DNAAF1: variants seen among roughly 807,000 people sequenced by gnomAD.
DNAAF1 encodes the protein dynein axonemal assembly factor 1, also known as dynein assembly factor 1, axonemal.
DNAAF1 carries 65 observed loss-of-function variants against 71.1 expected under a neutral mutation model. The ratio of observed to expected loss-of-function variants is 0.91; its 90% CI spans 0.75 to 1.12. The LOEUF (loss-of-function observed/expected upper bound fraction) is 1.12, where lower values mean the gene tolerates loss of function less well. Ranked by LOEUF, DNAAF1 falls within the 50% of genes most tolerant of loss-of-function variation. DNAAF1 has a pLI of 0.00. For synonymous variants in DNAAF1, 414 were observed against 354.6 expected, an observed-to-expected ratio of 1.17 and a Z score of -1.88; for missense variants, 1,178 against 899.8, an observed-to-expected ratio of 1.31 and a Z score of -3.96.
At chr16:84,173,168 G>A (rs2088456649) in intron 9 of DNAAF1, 1 of 985,688 alleles carries the variant, frequency 1.0e-6, no homozygotes, top group Non-Finnish European at 1.2e-6. Flanking sequence ...GGCCCAGTAG[G>A]AGTTAAAGTG....
intron 3 of DNAAF1, among the ~76,000 whole-genome samples, chr16:84,150,814 A>T (rs1262910083): frequency 2.0e-5 from 3 of 152,018 alleles, no homozygotes; most frequent in Non-Finnish European, 4.4e-5. Context: ...GGGTTTCGCC[A>T]TGTTGGCCAT....
At chr16:84,169,129 G>C (rs56878066) in intron 7 of DNAAF1, among the ~76,000 whole-genome samples, 10 of 120,646 alleles carry the variant, frequency 8.3e-5, no homozygotes, top group Admixed American at 7.9e-4. Context: ...TCATCACCCA[G>C]ACTACAATGC....
rs551009518 is a variant in DNAAF1 at position 84,177,820 on chromosome 16, C to G, written c.2157C>G (p.Phe719Leu). Residue 719 changes from phenylalanine to leucine, a missense_variant, in exon 12 of 12, where the codon TTC becomes TTG. Physicochemically the swap from Phe to Leu is conservative, Grantham distance 22 (BLOSUM62 0). Coordinates refer to ENST00000378553, the MANE Select transcript of DNAAF1 (RefSeq NM_178452.6). Reference sequence around the variant, plus strand: ...TGCCCACGTGGGACCTCACTGCATTCCCAGCACCGAAAGCATCATAGTTTT... The same window carrying G: ...TGCCCACGTGGGACCTCACTGCATTGCCAGCACCGAAAGCATCATAGTTTT... ...QALPTWDLTA[F>L]PAPKAS 4.0e-5 allele frequency: 64 copies of G among 1,613,848 alleles called. No individual in the cohort carries two copies. In the South Asian group the frequency reaches 6.9e-4, roughly 17 times the overall value.
intron 7 of DNAAF1, 73 bp downstream of exon 7, chr16:84,166,022 T>G (rs1256961354): frequency 1.3e-6 from 2 of 1,525,372 alleles, no homozygotes; most frequent in Non-Finnish European, 1.8e-6. Context: ...TCAAACCCAG[T>G]CTTTAATCTT....
rs747259254 is a variant in DNAAF1, at chr16:84,177,740, A to C, written c.2077A>C (p.Ser693Arg). Residue 693 changes from serine (S) to arginine (R), a missense_variant, in exon 12 of 12, where the codon AGC becomes CGC. By Grantham distance (110) the Ser-to-Arg change is moderately radical. Coordinates refer to ENST00000378553, the MANE Select transcript of DNAAF1 (RefSeq NM_178452.6). The part of the protein sequence containing the change: ...LAASSPVPTE[S>R]AATPPETCVG... ...CCTTCCTTCCACAGTGCCGACTGAG[A>C]GCGCCGCCACACCCCCAGAGACGTG... 5 of 1,613,720 alleles carry C rather than the reference A, an allele frequency of 3.1e-6. No individual in the cohort carries two copies. The highest frequency in any genetic ancestry group is 3.4e-6 in the Non-Finnish European group (4 of 1,179,922).
rs1435029226 is a variant in DNAAF1, at chr16:84,170,200, G to C, written c.1372G>C (p.Glu458Gln). ...PPPPPVEVKG[E>Q]DGDQEPEGTL... Reference sequence around the variant, plus strand: ...CCCGCCACCTGTGGAGGTTAAAGGAGAGGATGGAGATCAAGAGCCAGAGGG... The same window carrying C: ...CCCGCCACCTGTGGAGGTTAAAGGACAGGATGGAGATCAAGAGCCAGAGGG... Residue 458 changes from glutamate (E) to glutamine (Q), a missense_variant, in exon 8 of 12, where the codon GAG becomes CAG. Physicochemically the swap from Glu to Gln is conservative, Grantham distance 29 (BLOSUM62 2). Transcript: ENST00000378553. 1.2e-6 allele frequency: 2 copies of C among 1,612,020 alleles called. No individual in the cohort carries two copies. The highest frequency in any genetic ancestry group is 1.7e-6 in the Non-Finnish European group (2 of 1,178,728).
chr16:84,168,681 C>G (rs968286919), intron 7 of DNAAF1, among the ~76,000 whole-genome samples: 3 of 152,124 alleles, frequency 2.0e-5, no homozygotes, highest in Admixed American at 1.3e-4. Flanking sequence ...CATTTTCTTA[C>G]TGCATATATT....
intron 5 of DNAAF1, among the ~76,000 whole-genome samples, chr16:84,156,080 A>C (rs1314232480): frequency 6.6e-6 from 1 of 152,100 alleles, no homozygotes; most frequent in Non-Finnish European, 1.5e-5. Context: ...CTCCTGCCTC[A>C]GCATCCCGAG....
rs542456245 is a variant in DNAAF1, at chr16:84,157,794, G to C, written c.742-1881G>C. 3.1e-4 allele frequency among the ~76,000 whole-genome samples: 47 copies of C among 152,286 alleles called. 1 individual carries two copies. The South Asian group carries it at 9.3e-3, about 30-fold the overall frequency. ...TGTAGTGTGTACTATCAAAAGACTA[G>C]TTTAGAACTGCAGCACACGGTGAGA... is the stretch of plus-strand genomic sequence containing the variant. On this transcript the variant is annotated intron_variant, in intron 5 of 11. Coordinates refer to ENST00000378553, the MANE Select transcript of DNAAF1 (RefSeq NM_178452.6).
chr16:84,159,157 G>A (rs892776650), intron 5 of DNAAF1: 2 of 996,924 alleles, frequency 2.0e-6, no homozygotes, highest in Non-Finnish European at 2.4e-6. Context: ...AGTGACAGCG[G>A]GGAGAGCTGT....
chr16:84,166,115 G>A, intron 7 of DNAAF1, 166 bp downstream of exon 7: 1 of 945,620 alleles, frequency 1.1e-6, no homozygotes, highest in Non-Finnish European at 1.6e-6. Flanking sequence ...GTGCAGCAGT[G>A]TGATCTTGGC....
At chr16:84,172,800 G>A in intron 9 of DNAAF1, 1 of 1,066,938 alleles carries the variant, frequency 9.4e-7, no homozygotes, top group Non-Finnish European at 1.1e-6. Context: ...CCCCTCCGTG[G>A]ACACCGCCCA....
intron 1 of DNAAF1, among the ~76,000 whole-genome samples, chr16:84,148,596 C>CTTTTTTTTTTTTTTTTTCTTTT (rs2087032877): frequency 2.3e-5 from 1 of 43,576 alleles, no homozygotes; most frequent in Non-Finnish European, 4.1e-5. Flanking sequence ...CTCTCTCTCT[C>CTTTTTTTTTTTTTTTTTCTTTT]TTTTTTTTTT....
chr16:84,150,133 C>T (rs2151209535), intron 2 of DNAAF1, 118 bp from the exon 3 acceptor site: 1 of 733,042 alleles, frequency 1.4e-6, no homozygotes, highest in Non-Finnish European at 2.5e-6. Context: ...AAATAGGTAT[C>T]AGGGATATAG....
At chr16:84,177,514 A>G in intron 11 of DNAAF1, 1 of 503,328 alleles carries the variant, frequency 2.0e-6, no homozygotes, top group South Asian at 1.9e-5. Context: ...TTTTTAGTAG[A>G]GATGGGGTTT....
intron 11 of DNAAF1, 108 bp downstream of exon 11, chr16:84,176,407 G>A (rs2088662538): frequency 6.5e-7 from 1 of 1,538,410 alleles, no homozygotes; most frequent in South Asian, 1.1e-5. Context: ...CATGTTGCTG[G>A]AGGGGTCACC....
chr16:84,161,778 A>G (rs1016266988), intron 6 of DNAAF1, among the ~76,000 whole-genome samples: 1 of 150,668 alleles, frequency 6.6e-6, no homozygotes, highest in African/African-American at 2.4e-5. Context: ...TTATTAGAGC[A>G]CTCTCCATGA....
intron 11 of DNAAF1, chr16:84,176,618 T>G: frequency 2.3e-6 from 1 of 437,564 alleles, no homozygotes; most frequent in Non-Finnish European, 4.3e-6. Context: ...GACCGTGCAT[T>G]TCCACCCCCT....
chr16:84,147,277 G>A (rs2086959327), intron 1 of DNAAF1, among the ~76,000 whole-genome samples: 1 of 151,974 alleles, frequency 6.6e-6, no homozygotes, highest in Non-Finnish European at 1.5e-5. Context: ...CTGTGGCTGG[G>A]CATTCTATGC....
Sources: gnomAD v4.1 joint callset for allele counts (sites outside exome capture counted in the v4.1 genomes callset) on GRCh38, gnomAD v4.1.1 for gene constraint, MANE v1.5 for transcripts, NCBI Gene and HGNC (gene_info 2026-07-23, HGNC 2026-07-21) for gene names.